PKNOX2: variants seen among roughly 807,000 people sequenced by gnomAD.
PKNOX2 encodes the protein homeobox protein PKNOX2.
In PKNOX2, 14 loss-of-function variants were observed where a neutral mutation model predicts 53.1. The observed-to-expected ratio is 0.26, with a 90% CI of 0.17 to 0.41. PKNOX2 has a LOEUF of 0.41. PKNOX2 is among the 10% of genes least tolerant of loss of function. PKNOX2 has a pLI of 1.00. For missense variants in PKNOX2, 496 were observed against 602.8 expected, an observed-to-expected ratio of 0.82 and a Z score of 1.85; for synonymous variants, 257 against 242.8, an observed-to-expected ratio of 1.06 and a Z score of -0.54.
At chr11:125,407,963 C>T (rs1054576278) in intron 7 of PKNOX2, among the ~76,000 whole-genome samples, 12 of 152,238 alleles carry the variant, frequency 7.9e-5, no homozygotes, top group Middle Eastern at 3.4e-3. Flanking sequence ...AGGGTGGTGA[C>T]GAGATTGCCT....
chr11:125,255,464 C>A (rs904845166), intron 2 of PKNOX2, among the ~76,000 whole-genome samples: 3 of 152,174 alleles, frequency 2.0e-5, no homozygotes, highest in Non-Finnish European at 4.4e-5. Context: ...CTTATGGGAG[C>A]AACCTGGGCA....
intron 1 of PKNOX2, among the ~76,000 whole-genome samples, chr11:125,204,689 G>A (rs1363692761): frequency 1.3e-5 from 2 of 152,096 alleles, no homozygotes; most frequent in African/African-American, 2.4e-5. Flanking sequence ...CCACATTCCC[G>A]GTCAGAGACA....
chr11:125,198,554 T>C (rs745558134), intron 1 of PKNOX2, among the ~76,000 whole-genome samples: 3 of 152,184 alleles, frequency 2.0e-5, no homozygotes, highest in Non-Finnish European at 2.9e-5. Flanking sequence ...TACAAGTGAA[T>C]TTGGAAGACA....
Position 125,422,842 on chromosome 11 carries a change from G to A in PKNOX2, c.937-6170G>A, listed in dbSNP as rs115766335. On this transcript the variant is annotated intron_variant, in intron 10 of 12. Transcript: ENST00000298282. This position sits in a 1 kb window ranked among gnomAD's most constrained non-coding sequence, Gnocchi z 4.1. The stretch of plus-strand genomic sequence containing the variant: ...ATAAAACCCATTTGAAAAAATGAGC[G>A]TATTTGTATGCTCACAGAAGGGGCT... 4.5e-3 allele frequency among the ~76,000 whole-genome samples: 688 copies of A among 152,218 alleles called. 7 individuals carry two copies. The highest frequency in any genetic ancestry group is 0.015 in the African/African-American group (621 of 41,518).
intron 10 of PKNOX2, among the ~76,000 whole-genome samples, chr11:125,428,447 AATG>A (rs1001588399): frequency 1.3e-5 from 2 of 152,136 alleles, no homozygotes; most frequent in Non-Finnish European, 2.9e-5. Flanking sequence ...TATTAAATAA[AATG>A]ATGATTTTTT....
intron 2 of PKNOX2, among the ~76,000 whole-genome samples, chr11:125,300,301 A>G (rs1947958275): frequency 6.6e-6 from 1 of 152,228 alleles, no homozygotes; most frequent in Non-Finnish European, 1.5e-5. Context: ...AATAATAGCA[A>G]TAGCAGCTGG....
intron 7 of PKNOX2, among the ~76,000 whole-genome samples, chr11:125,404,302 C>T (rs1954936067): frequency 6.6e-6 from 1 of 152,252 alleles, no homozygotes; most frequent in African/African-American, 2.4e-5. Flanking sequence ...TGCCGCCAGG[C>T]TAGTGAAACC....
At chr11:125,357,141 A>T (rs180759304) in intron 4 of PKNOX2, among the ~76,000 whole-genome samples, 132 of 152,246 alleles carry the variant, frequency 8.7e-4, no homozygotes, top group Non-Finnish European at 1.4e-3. Flanking sequence ...GCTTCGACTC[A>T]CCAAAACAGA....
intron 1 of PKNOX2, among the ~76,000 whole-genome samples, chr11:125,172,130 C>G (rs551177823): frequency 6.6e-6 from 1 of 152,140 alleles, no homozygotes; most frequent in Non-Finnish European, 1.5e-5. Flanking sequence ...CTGCGCTGTC[C>G]TGGGGACTGC....
At chr11:125,362,738 T>C (rs1346051019) in intron 4 of PKNOX2, among the ~76,000 whole-genome samples, 1 of 152,098 alleles carries the variant, frequency 6.6e-6, no homozygotes, top group African/African-American at 2.4e-5. Flanking sequence ...AAAAAGATGG[T>C]GCTTAACAGA....
rs190250470 is a variant in PKNOX2, at chr11:125,316,562, G to A, written c.-129-15257G>A. ...ACAATAAAGACAATATGGCAATAAA[G>A]CAAGTCACATGAATCTTTTGGTTTC... On this transcript the variant is annotated intron_variant, in intron 2 of 12. Coordinates refer to ENST00000298282, the MANE Select transcript of PKNOX2 (RefSeq NM_001382323.2). 1.5e-3 allele frequency among the ~76,000 whole-genome samples: 226 copies of A among 152,240 alleles called. 3 individuals carry two copies. The highest frequency in any genetic ancestry group is 6.2e-3 in the South Asian group (30 of 4,806).
intron 2 of PKNOX2, among the ~76,000 whole-genome samples, chr11:125,282,347 A>T (rs1209382449): frequency 1.3e-5 from 2 of 152,242 alleles, no homozygotes; most frequent in Non-Finnish European, 2.9e-5. Flanking sequence ...GACAGGTTTA[A>T]ATGAGATAAT....
At chr11:125,323,829 G>C (rs566036278) in intron 2 of PKNOX2, among the ~76,000 whole-genome samples, 1 of 151,826 alleles carries the variant, frequency 6.6e-6, no homozygotes, top group South Asian at 2.1e-4. Flanking sequence ...CTGTGCCTTT[G>C]TGTGTCTGTG....
At chr11:125,256,611 C>T (rs1944416575) in intron 2 of PKNOX2, among the ~76,000 whole-genome samples, 1 of 152,186 alleles carries the variant, frequency 6.6e-6, no homozygotes, top group Non-Finnish European at 1.5e-5. Context: ...GATTGGTGGT[C>T]AGCGGTGCCT....
intron 3 of PKNOX2, among the ~76,000 whole-genome samples, chr11:125,335,603 T>G (rs1449381887): frequency 6.6e-6 from 1 of 152,052 alleles, no homozygotes; most frequent in African/African-American, 2.4e-5. Context: ...GAACTTAGAG[T>G]TGTTACTTGA....
At chr11:125,245,867 G>A (rs1008632944) in intron 2 of PKNOX2, among the ~76,000 whole-genome samples, 12 of 152,242 alleles carry the variant, frequency 7.9e-5, no homozygotes, top group African/African-American at 2.9e-4. Context: ...ACTACTGGGA[G>A]GGAAGTGATG....
At chr11:125,289,813 G>A (rs920740960) in intron 2 of PKNOX2, among the ~76,000 whole-genome samples, 6 of 152,142 alleles carry the variant, frequency 3.9e-5, no homozygotes, top group African/African-American at 1.2e-4. Context: ...CACCACTGGC[G>A]TGTCACTCGG....
intron 11 of PKNOX2, 134 bp from the exon 12 acceptor site, chr11:125,429,828 TG>T: frequency 1.9e-6 from 2 of 1,052,108 alleles, no homozygotes; most frequent in Non-Finnish European, 1.4e-6. Flanking sequence ...TCCTCCTTGC[TG>T]GGCTTTTACA....
At chr11:125,408,679 G>A (rs942386587) in intron 7 of PKNOX2, among the ~76,000 whole-genome samples, 3 of 152,220 alleles carry the variant, frequency 2.0e-5, no homozygotes, top group Non-Finnish European at 4.4e-5. Context: ...AATCAGTGCC[G>A]ACTTCCACTT....
Sources: allele counts gnomAD v4.1 joint callset (sites outside exome capture counted in the v4.1 genomes callset), GRCh38; gene constraint gnomAD v4.1.1; non-coding constraint Gnocchi (gnomAD v3.1); transcripts MANE v1.5; gene names NCBI Gene and HGNC (gene_info 2026-07-23, HGNC 2026-07-21).